BRINP3: variants seen among roughly 807,000 people sequenced by gnomAD.
BRINP3 encodes BMP/retinoic acid-inducible neural-specific protein 3.
BRINP3 carries 19 observed loss-of-function variants against 71.0 expected under a neutral mutation model. That is an observed-to-expected ratio of 0.27 (90% CI 0.19 to 0.39). BRINP3 has a LOEUF of 0.39. BRINP3 is among the 10% of genes least tolerant of loss of function. The pLI is 1.00. For missense variants in BRINP3, 959 were observed against 940.8 expected (o/e 1.02, Z -0.25); for synonymous variants, 380 against 337.7 (o/e 1.13, Z -1.37).
At chr1:190,375,220 A>T (rs1313312686) in intron 2 of BRINP3, among the ~76,000 whole-genome samples, 1 of 151,942 alleles carries the variant, frequency 6.6e-6, no homozygotes, top group Non-Finnish European at 1.5e-5. Flanking sequence ...ATGGTTTAAC[A>T]TATATATACA....
rs974613557 is a variant in BRINP3 at position 190,098,793 on chromosome 1, T to G, written c.1526A>C (p.Glu509Ala). 1 of 1,614,214 alleles carries G rather than the reference T, an allele frequency of 6.2e-7. No homozygotes were observed. Among genetic ancestry groups the G allele is most frequent in the African/African-American group, 1.3e-5 (1 of 75,058 alleles). ...ATTGCTGATAAAAATGGCATGGACTTCTATTCGTCTGTCCGTTTTCTGCAG... is the reference window on the plus strand; with the variant it reads ...ATTGCTGATAAAAATGGCATGGACTGCTATTCGTCTGTCCGTTTTCTGCAG... ...YLLQKTDRRI[E>A]VHAIFISNDM... Residue 509 changes from glutamate to alanine, a missense_variant, in exon 8 of 8, where the codon GAA (glutamate) becomes GCA (alanine). Glu to Ala is a moderately radical substitution (Grantham distance 107). Coordinates refer to ENST00000367462, the MANE Select transcript of BRINP3 (RefSeq NM_199051.3).
At chr1:190,405,258 T>C (rs896636485) in intron 2 of BRINP3, among the ~76,000 whole-genome samples, 3 of 151,876 alleles carry the variant, frequency 2.0e-5, no homozygotes, top group Non-Finnish European at 4.4e-5. Context: ...GAGACCATCC[T>C]GGCTAAGACG....
intron 2 of BRINP3, among the ~76,000 whole-genome samples, chr1:190,415,329 G>T (rs1672944337): frequency 6.6e-6 from 1 of 152,118 alleles, no homozygotes; most frequent in African/African-American, 2.4e-5. Flanking sequence ...ATATGTTGAA[G>T]AAGCATGATA....
At chr1:190,167,031 AT>A (rs891035571) in intron 6 of BRINP3, among the ~76,000 whole-genome samples, 4 of 151,070 alleles carry the variant, frequency 2.6e-5, no homozygotes, top group South Asian at 4.2e-4. Context: ...GGCCTATGAA[AT>A]TTTTTTTTAC....
chr1:190,471,540 A>G (rs1238780702), intron 1 of BRINP3, among the ~76,000 whole-genome samples: 1 of 151,434 alleles, frequency 6.6e-6, no homozygotes, highest in African/African-American at 2.4e-5. Flanking sequence ...AAATAAGTTT[A>G]TCCAAGTAGT....
chr1:190,221,060 A>C (rs1656844370), intron 6 of BRINP3, among the ~76,000 whole-genome samples: 1 of 152,142 alleles, frequency 6.6e-6, no homozygotes, highest in Admixed American at 6.6e-5. Flanking sequence ...TCTACTACAA[A>C]CACAAAAATT....
intron 6 of BRINP3, among the ~76,000 whole-genome samples, chr1:190,195,417 G>C (rs889812814): frequency 7.2e-5 from 11 of 151,970 alleles, no homozygotes; most frequent in Non-Finnish European, 1.3e-4. Flanking sequence ...CTCCCTTGGT[G>C]AAGAAAATGT....
chr1:190,324,919 T>A (rs1666479548), intron 2 of BRINP3, among the ~76,000 whole-genome samples: 1 of 151,716 alleles, frequency 6.6e-6, no homozygotes, highest in South Asian at 2.1e-4. Flanking sequence ...GGAGTAAGAG[T>A]CAAAAACTTG....
chr1:190,177,050 A>G (rs918202207), intron 6 of BRINP3, among the ~76,000 whole-genome samples: 3 of 151,420 alleles, frequency 2.0e-5, no homozygotes, highest in Non-Finnish European at 2.9e-5. Context: ...TTACCACAGG[A>G]TAACATGAGC....
chr1:190,375,851 A>T (rs1670151645), intron 2 of BRINP3, among the ~76,000 whole-genome samples: 1 of 152,148 alleles, frequency 6.6e-6, no homozygotes, highest in African/African-American at 2.4e-5. Flanking sequence ...CATAAAAATA[A>T]ATATGTTAGT....
At chr1:190,418,763 G>A (rs1030642623) in intron 2 of BRINP3, among the ~76,000 whole-genome samples, 6 of 152,018 alleles carry the variant, frequency 3.9e-5, no homozygotes, top group Non-Finnish European at 5.9e-5. Flanking sequence ...GAGGAGTTAC[G>A]TAAGGTATGA....
At chr1:190,287,332 C>T (rs1436705089) in intron 2 of BRINP3, among the ~76,000 whole-genome samples, 1 of 152,138 alleles carries the variant, frequency 6.6e-6, no homozygotes, top group Non-Finnish European at 1.5e-5. Context: ...GGCCTGGATG[C>T]CTGTACCACT....
chr1:190,268,833 A>T (rs1013894255), intron 3 of BRINP3, among the ~76,000 whole-genome samples: 2 of 152,144 alleles, frequency 1.3e-5, no homozygotes, highest in Non-Finnish European at 2.9e-5. Context: ...ACATACATGA[A>T]AAGATTTGTA....
At chr1:190,211,842 G>A (rs1558069727) in intron 6 of BRINP3, among the ~76,000 whole-genome samples, 2 of 152,082 alleles carry the variant, frequency 1.3e-5, no homozygotes. Flanking sequence ...ATTTGGTAAT[G>A]GCAAGGATGA....
intron 4 of BRINP3, among the ~76,000 whole-genome samples, chr1:190,248,526 T>A (rs1160236626): frequency 6.6e-6 from 1 of 151,788 alleles, no homozygotes; most frequent in African/African-American, 2.4e-5. Flanking sequence ...CTACCCAGGG[T>A]ACTTTCAGAA....
chr1:190,391,283 G>A (rs533736616), intron 2 of BRINP3, among the ~76,000 whole-genome samples: 1 of 151,890 alleles, frequency 6.6e-6, no homozygotes, highest in Admixed American at 6.6e-5. Flanking sequence ...ACAAGGGACA[G>A]TATTATGGAG....
intron 7 of BRINP3, among the ~76,000 whole-genome samples, chr1:190,131,188 G>T (rs904546986): frequency 8.1e-6 from 1 of 123,596 alleles, no homozygotes; most frequent in Admixed American, 8.9e-5. Flanking sequence ...GGCGGGGGGT[G>T]GGGGGTGGGG....
chr1:190,185,217 G>C (rs1653407517), intron 6 of BRINP3, among the ~76,000 whole-genome samples: 2 of 152,130 alleles, frequency 1.3e-5, no homozygotes, highest in South Asian at 4.1e-4. Flanking sequence ...ATCTGATAAT[G>C]GGTTTATTTC....
At chr1:190,459,417 A>C (rs2102652111) in intron 1 of BRINP3, among the ~76,000 whole-genome samples, 1 of 151,988 alleles carries the variant, frequency 6.6e-6, no homozygotes, top group East Asian at 1.9e-4. Context: ...TATATATTTG[A>C]AATTCATAAA....
Sources: gnomAD v4.1 joint callset for allele counts (sites outside exome capture counted in the v4.1 genomes callset) on GRCh38, gnomAD v4.1.1 for gene constraint, MANE v1.5 for transcripts, NCBI Gene and HGNC (gene_info 2026-07-23, HGNC 2026-07-21) for gene names.